Variants in PLXNB2 observed in about 807,000 individuals in gnomAD.
PLXNB2 encodes the protein plexin B2.
A neutral mutation model predicts 202.6 loss-of-function variants in PLXNB2; 85 were observed. The observed-to-expected ratio is 0.42, with a 90% CI of 0.35 to 0.50. PLXNB2 has a LOEUF of 0.50. Among genes scored for constraint, PLXNB2 ranks in the 20% least tolerant of loss-of-function variants. PLXNB2 has a pLI of 0.02. For synonymous variants in PLXNB2, 1,239 were observed against 1,137.6 expected (o/e 1.09, Z -1.79); for missense variants, 2,063 against 2,586.2 (o/e 0.80, Z 4.39).
chr22:50,298,790 T>C (rs890971327), intron 1 of PLXNB2, among the ~76,000 whole-genome samples: 3 of 152,162 alleles, frequency 2.0e-5, no homozygotes, highest in African/African-American at 7.2e-5. Context: ...GGACTACAGG[T>C]GCACGCCACT....
At chr22:50,279,903 C>T in intron 26 of PLXNB2, 102 bp downstream of exon 26, 1 of 1,396,132 alleles carries the variant, frequency 7.2e-7, no homozygotes, top group Non-Finnish European at 1.0e-6. Flanking sequence ...CCTGTCCAGG[C>T]AGGGCCCACC....
intron 35 of PLXNB2, among the ~76,000 whole-genome samples, 199 bp downstream of exon 35, chr22:50,276,430 T>TGGATGGAGCCACAGGGAGGG (rs1601667928): frequency 1.4e-3 from 5 of 3,536 alleles, no homozygotes; most frequent in Non-Finnish European, 2.8e-3. Flanking sequence ...GGGCAGGGCC[T>TGGATGGAGCCACAGGGAGGG]GGCTCCAAGC....
chr22:50,293,050 G>C (rs1242195914), intron 2 of PLXNB2, among the ~76,000 whole-genome samples: 1 of 152,232 alleles, frequency 6.6e-6, no homozygotes, highest in East Asian at 1.9e-4. Flanking sequence ...ACTGGTGGCA[G>C]AGAGGCTGGG....
chr22:50,282,510 G>C, intron 18 of PLXNB2, 197 bp from the exon 19 acceptor site: 1 of 681,110 alleles, frequency 1.5e-6, no homozygotes, highest in Non-Finnish European at 2.4e-6. Context: ...GGCACACGGG[G>C]CCTGGTGAGC....
At chr22:50,279,134 G>A (rs1345347327) in intron 27 of PLXNB2, 123 bp from the exon 28 acceptor site, 8 of 1,003,692 alleles carry the variant, frequency 8.0e-6, no homozygotes, top group African/African-American at 4.9e-5. Context: ...GCAGGCCCCC[G>A]CCAGCCCGGC....
Position 50,284,347 on chromosome 22 carries a change from C to T in PLXNB2, c.2182-134G>A, listed in dbSNP as rs767593081. On this transcript the variant is annotated intron_variant, in intron 12 of 36. Coordinates refer to ENST00000359337, the MANE Select transcript of PLXNB2 (RefSeq NM_012401.4). This position sits in a 1 kb window ranked among gnomAD's most constrained non-coding sequence, Gnocchi z 8.0. ...GGCAGCAGGGGAGGCCTTCAGGTGT[C>T]GGAAGTTCGGGAACCCCATGGACGC... 9.3e-4 allele frequency: 812 copies of T among 876,356 alleles called. 1 individual carries two copies. The highest frequency in any genetic ancestry group is 9.8e-4 in the Non-Finnish European group (531 of 540,918). The allele number at this position is 876,356 out of a possible 1,614,324, so 54.3% of individuals were successfully genotyped here. A position where few individuals can be genotyped will look rare whatever the true frequency, so the allele number is the denominator to read the frequency against.
Position 50,283,870 on chromosome 22 carries a change from T to A in PLXNB2, c.2384A>T (p.Asn795Ile). 6.2e-7 allele frequency: 1 copy of A among 1,607,998 alleles called. No individual in the cohort carries two copies. Among genetic ancestry groups the A allele is most frequent in the Non-Finnish European group, 8.5e-7 (1 of 1,177,546 alleles). ...GGGCGGCGGGCACTCGGAGGTGGTGTTGCACAGGGCCTCATACACGCACCT... is the reference window on the plus strand; with the variant it reads ...GGGCGGCGGGCACTCGGAGGTGGTGATGCACAGGGCCTCATACACGCACCT... ...QSRCVYEALC[N>I]TTSECPPPVI... Residue 795 changes from asparagine (N) to isoleucine (I), a missense_variant, in exon 14 of 37, where the codon AAC (asparagine) becomes ATC (isoleucine). Physicochemically the swap from Asn to Ile is moderately radical, Grantham distance 149. Coordinates refer to ENST00000359337, the MANE Select transcript of PLXNB2 (RefSeq NM_012401.4).
chr22:50,278,061 G>C lies in PLXNB2; in HGVS notation c.4888-48C>G, dbSNP rs201434679. 58 of 1,600,696 alleles carry C rather than the reference G, an allele frequency of 3.6e-5. 1 individual carries two copies. In the African/African-American group the frequency reaches 5.1e-4, roughly 14 times the overall value. On this transcript the variant is annotated intron_variant, in intron 31 of 36. Transcript: ENST00000359337. ...GTGACGCCGTGGGCGCGGCTCCTGGGGGGGAGGGTCTCAGCGTGGCGGCCT... is the reference window on the plus strand; with the variant it reads ...GTGACGCCGTGGGCGCGGCTCCTGGCGGGGAGGGTCTCAGCGTGGCGGCCT...
chr22:50,292,398 T>G (rs1312709590), intron 2 of PLXNB2, among the ~76,000 whole-genome samples: 1 of 143,596 alleles, frequency 7.0e-6, no homozygotes, highest in Non-Finnish European at 1.5e-5. Context: ...AAAATGCAAA[T>G]GTTTCCACAT....
chr22:50,295,330 T>G (rs890376340), intron 1 of PLXNB2, among the ~76,000 whole-genome samples: 48 of 148,836 alleles, frequency 3.2e-4, no homozygotes, highest in African/African-American at 1.1e-3. Flanking sequence ...AAAAAAAAGT[T>G]GCTTTCTGAA....
chr22:50,306,137 G>T (rs371952977), intron 1 of PLXNB2, among the ~76,000 whole-genome samples: 2 of 152,206 alleles, frequency 1.3e-5, no homozygotes, highest in African/African-American at 2.4e-5. Flanking sequence ...GGCAGCCGGT[G>T]GGGGAGGGGG....
chr22:50,284,545 G>A lies in PLXNB2; in HGVS notation c.2181+28C>T, dbSNP rs1415729421. 6.5e-7 allele frequency: 1 copy of A among 1,546,466 alleles called. No individual in the cohort carries two copies. Among genetic ancestry groups the A allele is most frequent in the Non-Finnish European group, 8.8e-7 (1 of 1,133,060 alleles). On this transcript the variant is annotated intron_variant, in intron 12 of 36. Coordinates refer to ENST00000359337, the MANE Select transcript of PLXNB2 (RefSeq NM_012401.4). The surrounding 1 kb of genome is among the most constrained non-coding windows in gnomAD (Gnocchi z 8.0). Reference sequence around the variant, plus strand: ...CCACCCGGGGCCCTGGGGTCCAGCAGCCGAGCCGGCCTGCCCTGGAGCCGT... The same window carrying A: ...CCACCCGGGGCCCTGGGGTCCAGCAACCGAGCCGGCCTGCCCTGGAGCCGT...
chr22:50,307,576 G>A lies in PLXNB2; in HGVS notation c.-97C>T, dbSNP rs1464025355. On this transcript the variant is annotated 5_prime_UTR_variant, in exon 1 of 37. An upstream open reading frame in the 5' UTR gains an earlier in-frame stop. Coordinates refer to ENST00000359337, the MANE Select transcript of PLXNB2 (RefSeq NM_012401.4). ...ACCTGCACGTCCGCCGCCAAGGCTC[G>A]ATGGCGCCCGGGCCGCGCTCGGCGC... 4.0e-5 allele frequency: 39 copies of A among 981,736 alleles called. No homozygotes were observed. The highest frequency in any genetic ancestry group is 4.6e-5 in the Non-Finnish European group (38 of 828,628). The allele number at this position is 981,736 out of a possible 1,614,324, so 60.8% of individuals were successfully genotyped here.
rs2066774409 is a variant in PLXNB2, at chr22:50,290,332, T to C, written c.253A>G (p.Ser85Gly). 2.5e-6 allele frequency: 4 copies of C among 1,612,340 alleles called. No homozygotes were observed. The highest frequency in any genetic ancestry group is 3.4e-6 in the Non-Finnish European group (4 of 1,180,000). ...GTCATCTCAGCCTCATGGCACTGGC[T>C]GGCCTCGATGGGCGGCGTGCACTTC... ...NKKCTPPIEA[S>G]QCHEAEMTDN... The change falls in exon 3 of 37, where the codon AGC (serine) becomes GGC (glycine). Residue 85 changes from serine (S) to glycine (G), a missense_variant. Ser to Gly is a moderately conservative substitution (Grantham distance 56, BLOSUM62 0). Coordinates refer to ENST00000359337, the MANE Select transcript of PLXNB2 (RefSeq NM_012401.4).
At chr22:50,307,263 G>C (rs2067921145) in intron 1 of PLXNB2, among the ~76,000 whole-genome samples, 1 of 152,082 alleles carries the variant, frequency 6.6e-6, no homozygotes, top group African/African-American at 2.4e-5. Flanking sequence ...TGAAGAGTGA[G>C]AGGCAGGCGC....
chr22:50,280,282 G>C (rs1290129076), intron 25 of PLXNB2, among the ~76,000 whole-genome samples: 1 of 152,202 alleles, frequency 6.6e-6, no homozygotes, highest in African/African-American at 2.4e-5. Flanking sequence ...ACTGTGACCA[G>C]CTGAAACCGC....
intron 33 of PLXNB2, among the ~76,000 whole-genome samples, chr22:50,277,346 C>T (rs1215272672): frequency 2.0e-5 from 3 of 151,934 alleles, no homozygotes; most frequent in African/African-American, 4.8e-5. Context: ...TGTAGTAAAA[C>T]TCAGTTTCTC....
intron 1 of PLXNB2, 98 bp downstream of exon 1, chr22:50,307,428 GAGCCGCAGCCGCCGCAGGTCCCCGGGC>G (rs2147746789): frequency 2.3e-6 from 1 of 444,008 alleles, no homozygotes; most frequent in East Asian, 1.6e-4. Context: ...GCCCTCCGCG[GAGCCGCAGCCGCCGCAGGTCCCCGGGC>G]CCCAGCGCGG....
At chr22:50,307,508 G>A (rs2067935700) in intron 1 of PLXNB2, 45 bp downstream of exon 1, 1 of 935,256 alleles carries the variant, frequency 1.1e-6, no homozygotes. Context: ...CCCCCCCCAC[G>A]CCCAGCGAGA....
Sources: gnomAD v4.1 joint callset for allele counts (sites outside exome capture counted in the v4.1 genomes callset) on GRCh38, gnomAD v4.1.1 for gene constraint, Gnocchi (gnomAD v3.1) non-coding constraint, MANE v1.5 for transcripts, NCBI Gene and HGNC (gene_info 2026-07-23, HGNC 2026-07-21) for gene names.